Variants in PRXL2A observed in about 807,000 individuals in gnomAD.
The protein encoded by PRXL2A is peroxiredoxin like 2A.
In PRXL2A, 26 loss-of-function variants were observed where a neutral mutation model predicts 25.6. The ratio of observed to expected loss-of-function variants is 1.02; its 90% confidence interval spans 0.74 to 1.41. The LOEUF (loss-of-function observed/expected upper bound fraction) is 1.41, where lower values mean the gene tolerates loss of function less well. PRXL2A is among the 40% of genes most tolerant of loss of function. The probability of loss-of-function intolerance (pLI) is 0.00; values close to 1 mark genes in which losing one functional copy is unlikely to be tolerated. For missense variants in PRXL2A, 246 were observed against 273.9 expected, an observed-to-expected ratio of 0.90 and a Z score of 0.72; for synonymous variants, 98 against 102.9, an observed-to-expected ratio of 0.95 and a Z score of 0.29.
rs558013877 is a variant in PRXL2A, at chr10:80,435,959, T to C, written c.*3860T>C. On this transcript the variant is annotated 3_prime_UTR_variant, in exon 6 of 6. Transcript: ENST00000606162. The stretch of plus-strand genomic sequence containing the variant: ...AACTGAGAATCCACATGCAAAGAAA[T>C]GCAAGAAAATTCAAAGAACGTAAGA... 6.6e-6 allele frequency: 1 copy of C among 152,270 alleles called. No individual in the cohort carries two copies. Among genetic ancestry groups the C allele is most frequent in the African/African-American group, 2.4e-5 (1 of 41,564 alleles). 9.4% of individuals were successfully genotyped at this position (152,270 alleles called of 1,614,324 possible).
chr10:80,427,452 G>A lies in PRXL2A; in HGVS notation c.532G>A (p.Gly178Ser). Residue 178 changes from glycine to serine, a missense_variant, in exon 5 of 6, where the codon GGC becomes AGC. Transcript: ENST00000606162. ...GGFSGNLEGE[G>S]FILGGVFVVG... ...CTTCTCTGGAAACCTGGAAGGAGAA[G>A]GCTTCATCCTTGGGGGAGTTTTCGT... is the stretch of plus-strand genomic sequence containing the variant. 1 of 1,614,178 alleles carries A rather than the reference G, an allele frequency of 6.2e-7. No individual in the cohort carries two copies. Among genetic ancestry groups the A allele is most frequent in the Non-Finnish European group, 8.5e-7 (1 of 1,180,034 alleles).
chr10:80,421,532 A>T (rs564611957), intron 2 of PRXL2A, among the ~76,000 whole-genome samples: 5 of 152,300 alleles, frequency 3.3e-5, no homozygotes, highest in African/African-American at 1.2e-4. Flanking sequence ...GGTTTATAGT[A>T]GGTCACCTTA....
intron 1 of PRXL2A, 107 bp from the exon 2 acceptor site, chr10:80,420,359 T>C (rs1844820625): frequency 1.3e-6 from 2 of 1,488,800 alleles, no homozygotes; most frequent in Non-Finnish European, 8.9e-7. Flanking sequence ...TCCCTTCCCC[T>C]GTCCTGACCT....
At chr10:80,416,178 T>C (rs1844656037) in intron 1 of PRXL2A, among the ~76,000 whole-genome samples, 1 of 152,240 alleles carries the variant, frequency 6.6e-6, no homozygotes, top group African/African-American at 2.4e-5. Context: ...TGTAACTTTG[T>C]CAAATTAAAG....
At chr10:80,409,967 C>A (rs879290519) in intron 1 of PRXL2A, among the ~76,000 whole-genome samples, 1 of 152,136 alleles carries the variant, frequency 6.6e-6, no homozygotes, top group Non-Finnish European at 1.5e-5. Flanking sequence ...CCTATATCCC[C>A]GTCTTTTATA....
intron 5 of PRXL2A, among the ~76,000 whole-genome samples, chr10:80,431,142 C>T (rs2131917434): frequency 6.6e-6 from 1 of 152,264 alleles, no homozygotes; most frequent in South Asian, 2.1e-4. Flanking sequence ...AAGTGATCCG[C>T]CCACCTCAGC....
intron 3 of PRXL2A, among the ~76,000 whole-genome samples, chr10:80,425,657 G>A (rs1179948373): frequency 6.6e-6 from 1 of 152,234 alleles, no homozygotes; most frequent in African/African-American, 2.4e-5. Context: ...GGGAGATGAT[G>A]TAGGAGAGAA....
intron 1 of PRXL2A, chr10:80,408,981 C>T (rs920018814): frequency 2.1e-6 from 2 of 973,738 alleles, no homozygotes; most frequent in Admixed American, 1.2e-4. Context: ...GTGGCGCCAA[C>T]CTTCGCGAAT....
chr10:80,434,268 A>G lies in PRXL2A; in HGVS notation c.*2169A>G, dbSNP rs753065162. 2 of 152,094 alleles carry G rather than the reference A, an allele frequency of 1.3e-5. No individual in the cohort carries two copies. Among genetic ancestry groups the G allele is most frequent in the African/African-American group, 2.4e-5 (1 of 41,414 alleles). 9.4% of individuals were successfully genotyped at this position (152,094 alleles called of 1,614,324 possible). A position where few individuals can be genotyped will look rare whatever the true frequency, so the allele number is the denominator to read the frequency against. On this transcript the variant is annotated 3_prime_UTR_variant, in exon 6 of 6. Coordinates refer to ENST00000606162, the MANE Select transcript of PRXL2A (RefSeq NM_032333.5). ...GTGTGGTCTTCTCTTTCTGATTAGCATGTCATTTTGGAAAGAGCACTGGAT... is the reference window on the plus strand; with the variant it reads ...GTGTGGTCTTCTCTTTCTGATTAGCGTGTCATTTTGGAAAGAGCACTGGAT...
At chr10:80,428,597 A>T (rs1262785622) in intron 5 of PRXL2A, among the ~76,000 whole-genome samples, 1 of 151,730 alleles carries the variant, frequency 6.6e-6, no homozygotes, top group East Asian at 2.0e-4. Flanking sequence ...TGAACCCAGG[A>T]GGCAGAGGCT....
Position 80,427,446 on chromosome 10 carries a change from G to A in PRXL2A, c.526G>A (p.Gly176Arg), listed in dbSNP as rs1334305958. ...CGGAGGCTTCTCTGGAAACCTGGAAGGAGAAGGCTTCATCCTTGGGGGAGT... is the reference window on the plus strand; with the variant it reads ...CGGAGGCTTCTCTGGAAACCTGGAAAGAGAAGGCTTCATCCTTGGGGGAGT... ...WNGGFSGNLE[G>R]EGFILGGVFV... is the part of the protein sequence containing the mutation. The change falls in exon 5 of 6, where the codon GGA (glycine) becomes AGA (arginine). Residue 176 changes from glycine to arginine, a missense_variant. Physicochemically the swap from Gly to Arg is moderately radical, Grantham distance 125. Coordinates refer to ENST00000606162, the MANE Select transcript of PRXL2A (RefSeq NM_032333.5). The A allele has an allele frequency of 6.2e-7, 1 of 1,614,154 alleles. No homozygotes were observed. The highest frequency in any genetic ancestry group is 8.5e-7 in the Non-Finnish European group (1 of 1,180,022).
rs1564696786 is a variant in PRXL2A, at chr10:80,432,072, A to G, written c.663A>G (p.Pro221=). The G allele has an allele frequency of 8.7e-6, 14 of 1,608,854 alleles. No homozygotes were observed. Among genetic ancestry groups the G allele is most frequent in the Non-Finnish European group, 6.8e-6 (8 of 1,178,614 alleles). Residue 221 remains proline (P), a synonymous_variant, in exon 6 of 6, where the codon CCA becomes CCG. Transcript: ENST00000606162. ...SVLEAAKMIK[P]QTLASEKK ...TGGAAGCTGCTAAGATGATCAAACCACAGACTTTGGCCTCAGAGAAAAAAT... is the reference window on the plus strand; with the variant it reads ...TGGAAGCTGCTAAGATGATCAAACCGCAGACTTTGGCCTCAGAGAAAAAAT...
In PRXL2A at chr10:80,432,534, G is replaced by A. The variant is rs939374004; in HGVS notation, c.*435G>A. The A allele has an allele frequency of 8.4e-5, 13 of 154,444 alleles. No individual in the cohort carries two copies. The highest frequency in any genetic ancestry group is 2.0e-4 in the South Asian group (1 of 5,020). 9.6% of individuals were successfully genotyped at this position (154,444 alleles called of 1,614,324 possible). A position where few individuals can be genotyped will look rare whatever the true frequency, so the allele number is the denominator to read the frequency against. On this transcript the variant is annotated 3_prime_UTR_variant, in exon 6 of 6. Transcript: ENST00000606162. ...CAGGCACCTGTAGTCCCAGCTACCC[G>A]GGAGGCTGAGGCAGGAGAATCACTT...
chr10:80,419,142 T>G (rs996611089), intron 1 of PRXL2A, among the ~76,000 whole-genome samples: 1 of 150,226 alleles, frequency 6.7e-6, no homozygotes, highest in African/African-American at 2.5e-5. Context: ...TGCGCCACCA[T>G]GCCCAGCTAA....
At position 80,435,852 on chromosome 10, in the gene PRXL2A, C is replaced by A. The variant is rs891479015; in HGVS notation, c.*3753C>A. 1 of 152,214 alleles carries A rather than the reference C, an allele frequency of 6.6e-6. No homozygotes were observed. Among genetic ancestry groups the A allele is most frequent in the African/African-American group, 2.4e-5 (1 of 41,454 alleles). 9.4% of individuals were successfully genotyped at this position (152,214 alleles called of 1,614,324 possible). On this transcript the variant is annotated 3_prime_UTR_variant, in exon 6 of 6. Transcript: ENST00000606162. ...TCTAAAGGACTATACAGATTAAAGT[C>A]ATTAATCTCTGTGGGCTTTGGACTT...
chr10:80,414,389 G>A (rs1298800190), intron 1 of PRXL2A, among the ~76,000 whole-genome samples: 1 of 152,124 alleles, frequency 6.6e-6, no homozygotes, highest in Admixed American at 6.5e-5. Context: ...CTTAATGGAA[G>A]GGGGGATAGA....
chr10:80,409,037 G>A, intron 1 of PRXL2A: 1 of 985,388 alleles, frequency 1.0e-6, no homozygotes, highest in Middle Eastern at 5.2e-4. Flanking sequence ...TGGAGCATGG[G>A]CCCGGGGGCC....
chr10:80,409,302 CG>C (rs778673960), intron 1 of PRXL2A, among the ~76,000 whole-genome samples: 1 of 152,064 alleles, frequency 6.6e-6, no homozygotes, highest in Admixed American at 6.5e-5. Context: ...GTTGCTGGAG[CG>C]GGAGGTGAAG....
intron 1 of PRXL2A, among the ~76,000 whole-genome samples, chr10:80,419,255 A>G (rs1176109967): frequency 1.3e-5 from 2 of 148,254 alleles, no homozygotes; most frequent in Admixed American, 6.7e-5. Context: ...AAGTGCTGGG[A>G]TTACAGGCAT....
Sources: allele counts gnomAD v4.1 joint callset (sites outside exome capture counted in the v4.1 genomes callset), GRCh38; gene constraint gnomAD v4.1.1; transcripts MANE v1.5; gene names NCBI Gene and HGNC (gene_info 2026-07-23, HGNC 2026-07-21).